The following SNTG1 variants were observed in gnomAD, a reference collection of about 807,000 sequenced individuals.
The protein encoded by SNTG1 is syntrophin gamma 1, also known as gamma-1-syntrophin.
Under a neutral mutation model 74.7 loss-of-function variants are expected in SNTG1, and 39 were observed. The observed-to-expected ratio is 0.52, with a 90% CI of 0.40 to 0.68. The LOEUF is 0.68. Ranked by LOEUF, SNTG1 falls within the 30% of genes least tolerant of loss-of-function variation. SNTG1 has a pLI of 0.00. For missense variants in SNTG1, 685 were observed against 609.5 expected, an observed-to-expected ratio of 1.12 and a Z score of -1.30; for synonymous variants, 254 against 217.1, an observed-to-expected ratio of 1.17 and a Z score of -1.49.
At chr8:50,609,089 A>G (rs187807210) in intron 13 of SNTG1, among the ~76,000 whole-genome samples, 1 of 152,188 alleles carries the variant, frequency 6.6e-6, no homozygotes, top group East Asian at 1.9e-4. Flanking sequence ...TTAAGTTATT[A>G]AAACAGAAAA....
intron 15 of SNTG1, among the ~76,000 whole-genome samples, chr8:50,668,857 C>T (rs1266339511): frequency 2.6e-5 from 4 of 151,992 alleles, no homozygotes; most frequent in African/African-American, 9.7e-5. Context: ...ATATGTACCA[C>T]ATTTTCTTTA....
intron 10 of SNTG1, among the ~76,000 whole-genome samples, chr8:50,534,651 G>A (rs1458093716): frequency 6.6e-6 from 1 of 151,978 alleles, no homozygotes; most frequent in African/African-American, 2.4e-5. Flanking sequence ...CCTGGTGGTG[G>A]GCACCTGTAG....
At chr8:50,106,414 G>A (rs181091357) in intron 1 of SNTG1, among the ~76,000 whole-genome samples, 1 of 152,196 alleles carries the variant, frequency 6.6e-6, no homozygotes, top group Non-Finnish European at 1.5e-5. Context: ...AGATTTGGGT[G>A]GGGACACAGA....
intron 1 of SNTG1, among the ~76,000 whole-genome samples, chr8:50,120,030 A>G (rs1353277227): frequency 7.0e-6 from 1 of 141,908 alleles, no homozygotes; most frequent in East Asian, 2.0e-4. Flanking sequence ...GAAGATGAAG[A>G]TGAAACCAGT....
intron 8 of SNTG1, among the ~76,000 whole-genome samples, chr8:50,492,246 T>C (rs2093863309): frequency 6.6e-6 from 1 of 152,218 alleles, no homozygotes; most frequent in African/African-American, 2.4e-5. Context: ...TTTGGGTATA[T>C]ACCCAGTAAT....
In SNTG1 at chr8:50,620,147, G is replaced by T. The variant is rs149598965; in HGVS notation, c.849+29230G>T. Among the ~76,000 whole-genome samples, 36 of 152,230 alleles carry T rather than the reference G, an allele frequency of 2.4e-4. 1 individual carries two copies. In the East Asian group the frequency reaches 7.0e-3, roughly 29 times the overall value. ...ATGACTGGCATCCTGCTGTTCTTGT[G>T]GTTGACGATCTGAGGTCCCGATTTC... On this transcript the variant is annotated intron_variant, in intron 13 of 18. Transcript: ENST00000642720.
intron 13 of SNTG1, among the ~76,000 whole-genome samples, chr8:50,621,999 T>C (rs2094926089): frequency 6.6e-6 from 1 of 152,174 alleles, no homozygotes; most frequent in South Asian, 2.1e-4. Flanking sequence ...GGGTTCTCAT[T>C]CTCTGAGACT....
At position 50,442,680 on chromosome 8, in the gene SNTG1, T is replaced by TAAAAAAAAAAA. The variant is rs5891365; in HGVS notation, c.219+4098_219+4108dup. Among the ~76,000 whole-genome samples the TAAAAAAAAAAA allele has an allele frequency of 2.8e-3, 225 of 81,164 alleles. 3 individuals are homozygous for TAAAAAAAAAAA. The highest frequency in any genetic ancestry group is 3.8e-3 in the African/African-American group (75 of 19,650). The allele number at this position is 81,164 out of a possible 152,430, so 53.2% of individuals were successfully genotyped here. On this transcript the variant is annotated intron_variant, in intron 5 of 18. Transcript: ENST00000642720. ...TTCTTTGTATTAATTTGTCTATCAG[T>TAAAAAAAAAAA]AAAAAAAAAAAAAAAAAAAAAAAAA...
At chr8:50,744,551 C>T (rs1398585637) in intron 17 of SNTG1, among the ~76,000 whole-genome samples, 1 of 151,816 alleles carries the variant, frequency 6.6e-6, no homozygotes, top group East Asian at 1.9e-4. Context: ...TAGAAAAGTC[C>T]GTCTTATAAC....
chr8:50,771,280 A>C (rs1418236092), intron 18 of SNTG1, among the ~76,000 whole-genome samples: 1 of 152,122 alleles, frequency 6.6e-6, no homozygotes, highest in Non-Finnish European at 1.5e-5. Context: ...TCAGGACCAA[A>C]ATGCCATTAG....
intron 1 of SNTG1, among the ~76,000 whole-genome samples, chr8:50,092,510 G>A (rs140036507): frequency 6.6e-6 from 1 of 152,150 alleles, no homozygotes; most frequent in Non-Finnish European, 1.5e-5. Flanking sequence ...ACTTGGGTGG[G>A]ATTTGGCGCA....
At chr8:50,476,847 G>GACACACACACAC (rs1459314509) in intron 8 of SNTG1, among the ~76,000 whole-genome samples, 1 of 40,838 alleles carries the variant, frequency 2.4e-5, no homozygotes, top group Non-Finnish European at 6.3e-5. Context: ...ATGAGCCTGT[G>GACACACACACAC]ACACACACAG....
chr8:50,639,558 A>G (rs2095059436), intron 13 of SNTG1, among the ~76,000 whole-genome samples: 1 of 152,020 alleles, frequency 6.6e-6, no homozygotes, highest in Admixed American at 6.6e-5. Context: ...ACTAACACAT[A>G]TGTTATTGAT....
intron 4 of SNTG1, among the ~76,000 whole-genome samples, chr8:50,429,118 T>A (rs1399312382): frequency 2.6e-5 from 4 of 152,074 alleles, no homozygotes; most frequent in East Asian, 1.9e-4. Context: ...TCCCAGCTAA[T>A]TTCCTTGCAG....
intron 2 of SNTG1, among the ~76,000 whole-genome samples, chr8:50,372,930 C>G (rs2092300697): frequency 6.6e-6 from 1 of 152,048 alleles, no homozygotes; most frequent in Non-Finnish European, 1.5e-5. Flanking sequence ...AACAAAACAC[C>G]TGCTTTAGAA....
chr8:50,527,126 G>T (rs190229925), intron 9 of SNTG1, among the ~76,000 whole-genome samples: 1 of 151,960 alleles, frequency 6.6e-6, no homozygotes, highest in African/African-American at 2.4e-5. Flanking sequence ...GTGATTATTG[G>T]CCATGTGCAT....
At chr8:50,115,772 A>T (rs1282045126) in intron 1 of SNTG1, among the ~76,000 whole-genome samples, 1 of 151,838 alleles carries the variant, frequency 6.6e-6, no homozygotes, top group African/African-American at 2.4e-5. Flanking sequence ...CCATTTAGAG[A>T]TCATTTTTTT....
chr8:50,187,697 T>C (rs970981556), intron 2 of SNTG1, among the ~76,000 whole-genome samples: 8 of 152,186 alleles, frequency 5.3e-5, no homozygotes, highest in Admixed American at 5.2e-4. Context: ...ATGAGGTCCA[T>C]GGTCAGAAAC....
chr8:50,193,553 A>G lies in SNTG1; in HGVS notation c.-28+20918A>G, dbSNP rs1167053910. Among the ~76,000 whole-genome samples the G allele has an allele frequency of 2.6e-5, 4 of 152,102 alleles. 1 individual carries two copies. Among genetic ancestry groups the G allele is most frequent in the Admixed American group, 2.0e-4 (3 of 15,256 alleles). On this transcript the variant is annotated intron_variant, in intron 2 of 18. Coordinates refer to ENST00000642720, the MANE Select transcript of SNTG1 (RefSeq NM_018967.5). ...GAAACTTTGCTGAATCCTTTTATCA[A>G]TTCTAGGAGCTTTCTGGAGGAGTCC...
Sources: gnomAD v4.1 joint callset for allele counts (sites outside exome capture counted in the v4.1 genomes callset) on GRCh38, gnomAD v4.1.1 for gene constraint, MANE v1.5 for transcripts, NCBI Gene and HGNC (gene_info 2026-07-23, HGNC 2026-07-21) for gene names.